RYR3: variants seen among roughly 807,000 people sequenced by gnomAD.
The protein encoded by RYR3 is brain ryanodine receptor-calcium release channel.
A neutral mutation model predicts 584.3 loss-of-function variants in RYR3; 207 were observed. The ratio of observed to expected loss-of-function variants is 0.35; its 90% confidence interval spans 0.32 to 0.40. RYR3 has a LOEUF of 0.40. Ranked by LOEUF, RYR3 falls within the 10% of genes least tolerant of loss-of-function variation. RYR3 has a pLI of 1.00. For missense variants in RYR3, 5,616 were observed against 6,089.2 expected, an observed-to-expected ratio of 0.92 and a Z score of 2.59; for synonymous variants, 2,416 against 2,248.5, an observed-to-expected ratio of 1.07 and a Z score of -2.11.
At chr15:33,725,973 C>CCCCCCG (rs1567033714) in intron 45 of RYR3, among the ~76,000 whole-genome samples, 10 of 23,082 alleles carry the variant, frequency 4.3e-4, no homozygotes, top group Non-Finnish European at 9.3e-4. Context: ...CCATCCCCCC[C>CCCCCCG]CCCAAAAAAA....
At chr15:33,464,289 A>C (rs2142103886) in intron 1 of RYR3, among the ~76,000 whole-genome samples, 1 of 151,780 alleles carries the variant, frequency 6.6e-6, no homozygotes, top group African/African-American at 2.4e-5. Context: ...AAAGGAAGTG[A>C]GGGAGGGAGC....
chr15:33,536,751 G>C (rs1226890272), intron 5 of RYR3, among the ~76,000 whole-genome samples: 1 of 152,216 alleles, frequency 6.6e-6, no homozygotes, highest in African/African-American at 2.4e-5. Flanking sequence ...AGATTAAAGA[G>C]AGAAATAGTG....
intron 51 of RYR3, among the ~76,000 whole-genome samples, chr15:33,741,983 C>T (rs971713887): frequency 1.3e-5 from 2 of 152,154 alleles, no homozygotes; most frequent in African/African-American, 4.8e-5. Context: ...TCATAACATA[C>T]GGCTCTCTGG....
At chr15:33,432,450 G>A (rs1464625648) in intron 1 of RYR3, among the ~76,000 whole-genome samples, 2 of 151,796 alleles carry the variant, frequency 1.3e-5, no homozygotes, top group Admixed American at 1.3e-4. Context: ...GTCTTAAGAT[G>A]CTTACTCCTG....
At chr15:33,864,982 T>C (rs919597607) in intron 103 of RYR3, 149 bp from the exon 104 acceptor site, 2 of 600,488 alleles carry the variant, frequency 3.3e-6, no homozygotes, top group Non-Finnish European at 5.9e-6. Context: ...CAGCCTGTGC[T>C]GGGAATAGAG....
At chr15:33,802,101 C>T in intron 69 of RYR3, 140 bp downstream of exon 69, 1 of 772,932 alleles carries the variant, frequency 1.3e-6, no homozygotes, top group Middle Eastern at 2.3e-4. Context: ...GCTGCTGTTT[C>T]TTTGAGAACG....
chr15:33,542,292 A>C (rs902484016), intron 7 of RYR3, among the ~76,000 whole-genome samples: 1 of 152,106 alleles, frequency 6.6e-6, no homozygotes, highest in South Asian at 2.1e-4. Context: ...TCTCTGTGTG[A>C]GTAGGATATT....
Position 33,607,093 on chromosome 15 carries a change from C to T in RYR3, c.2164+3729C>T, listed in dbSNP as rs577235770. On this transcript the variant is annotated intron_variant, in intron 18 of 103. Coordinates refer to ENST00000634891, the MANE Select transcript of RYR3 (RefSeq NM_001036.6). ...ACCCCAGTCCTATGTGGACGAGATC[C>T]GAGGAGTAGCTGCAGAAGAGCAGCG... 5.9e-5 allele frequency among the ~76,000 whole-genome samples: 9 copies of T among 152,244 alleles called. No individual in the cohort carries two copies. The South Asian group carries it at 1.0e-3, about 18-fold the overall frequency.
At chr15:33,730,718 T>C (rs1479804627) in intron 47 of RYR3, among the ~76,000 whole-genome samples, 1 of 152,222 alleles carries the variant, frequency 6.6e-6, no homozygotes, top group East Asian at 1.9e-4. Context: ...AAAGCATGCT[T>C]TGGCTATACT....
At position 33,603,109 on chromosome 15, in the gene RYR3, A is replaced by C; in HGVS notation, c.1923-14A>C. 2.5e-6 allele frequency: 4 copies of C among 1,612,612 alleles called. No homozygotes were observed. In the South Asian group the frequency reaches 4.4e-5, roughly 18 times the overall value. On this transcript the variant is annotated splice_polypyrimidine_tract_variant and intron_variant, in intron 17 of 103. Coordinates refer to ENST00000634891, the MANE Select transcript of RYR3 (RefSeq NM_001036.6). The stretch of plus-strand genomic sequence containing the variant: ...AAGGGTGTGTAGATGCCACTTGCCC[A>C]TGTTTACTTTCAGTATCCGGCCAAA...
rs868842736 is a variant in RYR3, at chr15:33,859,676, C to G, written c.14244C>G (p.Val4748=). The part of the protein sequence containing the change: ...AGDPYEMYRI[V]FDITFFFFVI... ...ATCCTTATGAAATGTATCGCATTGT[C>G]TTTGACATTACCTTTTTCTTCTTCG... is the stretch of plus-strand genomic sequence containing the variant. The change falls in exon 100 of 104, where the codon GTC becomes GTG. Residue 4748 remains valine (V), a synonymous_variant. Transcript: ENST00000634891. 1.1e-5 allele frequency: 17 copies of G among 1,613,768 alleles called. No homozygotes were observed. The Middle Eastern group carries it at 2.5e-3, about 235-fold the overall frequency.
chr15:33,683,914 C>T (rs1182011578), intron 38 of RYR3, among the ~76,000 whole-genome samples: 2 of 152,236 alleles, frequency 1.3e-5, no homozygotes, highest in Admixed American at 6.5e-5. Flanking sequence ...AATTGCAAGG[C>T]GGCAGCCTGG....
intron 60 of RYR3, among the ~76,000 whole-genome samples, chr15:33,763,327 A>G (rs2072672758): frequency 1.3e-5 from 2 of 152,154 alleles, no homozygotes; most frequent in Admixed American, 6.5e-5. Flanking sequence ...CAGAGTGAAC[A>G]GGCAACCTAC....
At chr15:33,408,008 T>C in intron 1 of RYR3, among the ~76,000 whole-genome samples, 1 of 82,878 alleles carries the variant, frequency 1.2e-5, no homozygotes, top group African/African-American at 5.1e-5. Context: ...CAGTTAAACT[T>C]GAATTTTTTT....
chr15:33,825,510 A>G, intron 81 of RYR3, 93 bp from the exon 82 acceptor site: 1 of 760,566 alleles, frequency 1.3e-6, no homozygotes. Flanking sequence ...ACACAGGGGC[A>G]GGATATGCTT....
chr15:33,811,607 T>TATTACAAAGAGG (rs887819690), intron 72 of RYR3, among the ~76,000 whole-genome samples: 5 of 85,700 alleles, frequency 5.8e-5, no homozygotes, highest in Admixed American at 2.4e-4. Flanking sequence ...TGTTCTTAGT[T>TATTACAAAGAGG]ATTACAAAGA....
rs866110000 is a variant in RYR3 at position 33,556,286 on chromosome 15, G to A, written c.972+5970G>A. On this transcript the variant is annotated intron_variant, in intron 10 of 103. Coordinates refer to ENST00000634891, the MANE Select transcript of RYR3 (RefSeq NM_001036.6). The stretch of plus-strand genomic sequence containing the variant: ...ACATATCATCCTAGATACTGATGGC[G>A]TAACTTACAACTCAACCATCTCCAG... 5.9e-5 allele frequency among the ~76,000 whole-genome samples: 9 copies of A among 152,130 alleles called. 1 individual carries two copies. Among genetic ancestry groups the A allele is most frequent in the Admixed American group, 1.3e-4 (2 of 15,270 alleles).
intron 57 of RYR3, among the ~76,000 whole-genome samples, chr15:33,751,483 C>T (rs1169496300): frequency 6.6e-6 from 1 of 152,096 alleles, no homozygotes; most frequent in African/African-American, 2.4e-5. Flanking sequence ...CTCTAATGAC[C>T]AGTGATGATG....
Position 33,621,133 on chromosome 15 carries a change from CA to C in RYR3, c.2358-2673del, listed in dbSNP as rs201101319. On this transcript the variant is annotated intron_variant, in intron 19 of 103. Coordinates refer to ENST00000634891, the MANE Select transcript of RYR3 (RefSeq NM_001036.6). ...ACTTTTCTTGATTTGTTATCTTATC[CA>C]GCAGATTTTAAAACCTAAGAGAAAT... Among the ~76,000 whole-genome samples, 1,317 of 132,230 alleles carry C rather than the reference CA, an allele frequency of 1.0e-2. 21 individuals carry two copies. The highest frequency in any genetic ancestry group is 0.028 in the African/African-American group (1,100 of 39,632). 86.7% of individuals were successfully genotyped at this position (132,230 alleles called of 152,430 possible).
Sources: gnomAD v4.1 joint callset for allele counts (sites outside exome capture counted in the v4.1 genomes callset) on GRCh38, gnomAD v4.1.1 for gene constraint, MANE v1.5 for transcripts, NCBI Gene and HGNC (gene_info 2026-07-23, HGNC 2026-07-21) for gene names.